The following TEX10 variants were observed in gnomAD, a reference collection of about 807,000 sequenced individuals.
TEX10 encodes the protein testis expressed 10, also known as testis-expressed protein 10.
TEX10 carries 24 observed loss-of-function variants against 104.4 expected under a neutral mutation model. That is an observed-to-expected ratio of 0.23 (90% CI 0.17 to 0.32). TEX10 has a LOEUF of 0.32. Among genes scored for constraint, TEX10 ranks in the 10% least tolerant of loss-of-function variants. The pLI is 1.00. For missense variants in TEX10, 921 were observed against 1,083.9 expected (o/e 0.85, Z 2.11); for synonymous variants, 396 against 393.4 (o/e 1.01, Z -0.08).
rs562196535 is a variant in TEX10 at position 100,329,782 on chromosome 9, G to A, written c.1489+149C>T. 745 of 706,024 alleles carry A rather than the reference G, an allele frequency of 1.1e-3. 3 individuals are homozygous for A. Among genetic ancestry groups the A allele is most frequent in the South Asian group, 5.1e-3 (258 of 50,586 alleles). 43.7% of individuals were successfully genotyped at this position (706,024 alleles called of 1,614,324 possible). On this transcript the variant is annotated intron_variant, in intron 6 of 14. Coordinates refer to ENST00000374902, the MANE Select transcript of TEX10 (RefSeq NM_017746.4). ...ACTCTGAGCCATAAACAATTTCAGT[G>A]TTCAAGTAGACAGTAGCTACCTTTT...
At chr9:100,319,887 A>G (rs552785477) in intron 11 of TEX10, among the ~76,000 whole-genome samples, 18 of 152,232 alleles carry the variant, frequency 1.2e-4, no homozygotes, top group Non-Finnish European at 1.9e-4. Flanking sequence ...TTTTAAATTT[A>G]ATTTCAATAA....
intron 5 of TEX10, among the ~76,000 whole-genome samples, chr9:100,333,962 A>G (rs1365972365): frequency 6.6e-6 from 1 of 152,238 alleles, no homozygotes; most frequent in Non-Finnish European, 1.5e-5. Flanking sequence ...ATGTTTGACT[A>G]CAACTGAATA....
chr9:100,315,438 G>A (rs927253831), intron 11 of TEX10, among the ~76,000 whole-genome samples: 2 of 152,028 alleles, frequency 1.3e-5, no homozygotes, highest in African/African-American at 4.8e-5. Flanking sequence ...CTGGTGTTGG[G>A]TGCATATATA....
At chr9:100,316,632 C>T (rs925548976) in intron 11 of TEX10, among the ~76,000 whole-genome samples, 4 of 152,046 alleles carry the variant, frequency 2.6e-5, no homozygotes, top group African/African-American at 7.2e-5. Context: ...GATGGAGTCT[C>T]GCTCTGTTGC....
intron 13 of TEX10, chr9:100,307,433 G>C (rs1410416247): frequency 6.6e-6 from 1 of 152,160 alleles, no homozygotes; most frequent in Non-Finnish European, 1.5e-5. Flanking sequence ...AAAGAACTTT[G>C]CTGAACCCTG....
chr9:100,330,740 A>G (rs1357928997), intron 5 of TEX10, among the ~76,000 whole-genome samples: 1 of 152,260 alleles, frequency 6.6e-6, no homozygotes, highest in Admixed American at 6.5e-5. Flanking sequence ...ATTTTAATAA[A>G]AACAAAATTT....
intron 1 of TEX10, among the ~76,000 whole-genome samples, chr9:100,349,684 G>A (rs1017873980): frequency 1.3e-5 from 2 of 151,810 alleles, no homozygotes; most frequent in Admixed American, 1.3e-4. Context: ...TCCTTTGTTC[G>A]AGTGTAGGAG....
At chr9:100,306,113 A>C (rs1345728097) in intron 13 of TEX10, 1 of 152,192 alleles carries the variant, frequency 6.6e-6, no homozygotes, top group East Asian at 1.9e-4. Flanking sequence ...AAAGAAAACA[A>C]AAGTTGATGA....
At chr9:100,348,652 G>A (rs147327868) in intron 2 of TEX10, among the ~76,000 whole-genome samples, 124 of 152,274 alleles carry the variant, frequency 8.1e-4, no homozygotes, top group Non-Finnish European at 1.4e-3. Context: ...CGTGGTTCAC[G>A]CCTACAATCC....
chr9:100,309,853 G>C (rs910288917), intron 12 of TEX10, among the ~76,000 whole-genome samples: 1 of 152,138 alleles, frequency 6.6e-6, no homozygotes, highest in Non-Finnish European at 1.5e-5. Flanking sequence ...TCAAATAACA[G>C]GTCAGTCTCA....
At chr9:100,314,640 C>T (rs533546073) in intron 11 of TEX10, among the ~76,000 whole-genome samples, 4 of 152,230 alleles carry the variant, frequency 2.6e-5, no homozygotes, top group Admixed American at 1.3e-4. Context: ...TACCGGCTAT[C>T]AATCTTATCA....
chr9:100,329,794 AG>A, intron 6 of TEX10, 136 bp downstream of exon 6: 1 of 751,856 alleles, frequency 1.3e-6, no homozygotes, highest in South Asian at 1.9e-5. Context: ...TCAAGTAGAC[AG>A]TAGCTACCTT....
intron 10 of TEX10, among the ~76,000 whole-genome samples, chr9:100,321,248 T>C (rs969828428): frequency 6.6e-6 from 1 of 152,236 alleles, no homozygotes; most frequent in Non-Finnish European, 1.5e-5. Flanking sequence ...TAGTATTGGA[T>C]CTGTCAAGTT....
intron 13 of TEX10, chr9:100,305,882 A>G (rs1834130976): frequency 6.6e-6 from 1 of 152,184 alleles, no homozygotes; most frequent in South Asian, 2.1e-4. Flanking sequence ...AGTCTCTATA[A>G]ACCTCCACAG....
intron 11 of TEX10, among the ~76,000 whole-genome samples, chr9:100,315,224 A>G (rs1185789371): frequency 6.6e-6 from 1 of 152,136 alleles, no homozygotes; most frequent in Non-Finnish European, 1.5e-5. Flanking sequence ...AGAAGAATGT[A>G]TATTCTGCAG....
intron 1 of TEX10, among the ~76,000 whole-genome samples, chr9:100,351,400 C>CGGGGG (rs1564224758): frequency 1.3e-5 from 1 of 77,800 alleles, no homozygotes; most frequent in Admixed American, 1.4e-4. Context: ...AGCTGGGGGT[C>CGGGGG]GGTGGGTGGG....
chr9:100,304,872 C>A (rs1176470039), intron 13 of TEX10: 1 of 151,990 alleles, frequency 6.6e-6, no homozygotes, highest in Non-Finnish European at 1.5e-5. Flanking sequence ...AAAAAATTAA[C>A]TCAAGATAGA....
chr9:100,333,558 C>T (rs541357846), intron 5 of TEX10, among the ~76,000 whole-genome samples: 48 of 150,772 alleles, frequency 3.2e-4, no homozygotes, highest in African/African-American at 8.5e-4. Flanking sequence ...GTAATCCCAA[C>T]GCTTTGGGAG....
At chr9:100,326,999 A>G (rs1479012020) in intron 8 of TEX10, among the ~76,000 whole-genome samples, 2 of 152,234 alleles carry the variant, frequency 1.3e-5, no homozygotes, top group Non-Finnish European at 2.9e-5. Context: ...ACTACTCAAC[A>G]ATAAAAAGGA....
Sources: gnomAD v4.1 joint callset for allele counts (sites outside exome capture counted in the v4.1 genomes callset) on GRCh38, gnomAD v4.1.1 for gene constraint, MANE v1.5 for transcripts, NCBI Gene and HGNC (gene_info 2026-07-23, HGNC 2026-07-21) for gene names.